The following C5orf15 variants were observed in gnomAD, a reference collection of about 807,000 sequenced individuals.
The protein encoded by C5orf15 is keratinocyte-associated transmembrane protein 2.
C5orf15 carries 10 observed loss-of-function variants against 17.8 expected under a neutral mutation model. That is an observed-to-expected ratio of 0.56 (90% confidence interval 0.35 to 0.95). The LOEUF (loss-of-function observed/expected upper bound fraction) is 0.95. C5orf15 is among the 40% of genes least tolerant of loss of function. The pLI is 0.02. For missense variants in C5orf15, 319 were observed against 331.7 expected (o/e 0.96, Z 0.30); for synonymous variants, 124 against 131.0 (o/e 0.95, Z 0.36).
chr5:133,958,576 CAAAAA>C (rs71581378), intron 2 of C5orf15, among the ~76,000 whole-genome samples: 9 of 32,000 alleles, frequency 2.8e-4, no homozygotes, highest in Non-Finnish European at 4.9e-4. Flanking sequence ...AGCTCTGTCT[CAAAAA>C]AAAAAAAAAA....
intron 1 of C5orf15, chr5:133,967,372 C>T (rs2112585): frequency 0.76 from 116,084 of 152,170 alleles, 44,568 homozygotes; most frequent in African/African-American, 0.85. Context: ...ACAGGCCCTG[C>T]TGGCAAGAAA....
At chr5:133,958,406 G>C (rs1403763031) in intron 2 of C5orf15, among the ~76,000 whole-genome samples, 1 of 151,510 alleles carries the variant, frequency 6.6e-6, no homozygotes. Context: ...GCAAAACCCC[G>C]TCTCTACTAA....
chr5:133,958,144 G>A (rs1752063071), intron 2 of C5orf15, among the ~76,000 whole-genome samples: 2 of 152,020 alleles, frequency 1.3e-5, no homozygotes, highest in African/African-American at 4.8e-5. Context: ...AATTACTTGG[G>A]AGGCTGAAGT....
In C5orf15 at chr5:133,959,437, AATC is replaced by A. The variant is rs980798551; in HGVS notation, c.666+54_666+56del. Reference sequence around the variant, plus strand: ...AAAAAAAAAAAAAAAAAGAACCATGAATCATCAAAAGCATTATGACTGAAATAA... The same window carrying A: ...AAAAAAAAAAAAAAAAAGAACCATGAATCAAAAGCATTATGACTGAAATAA... On this transcript the variant is annotated intron_variant, in intron 2 of 2. Coordinates refer to ENST00000231512, the MANE Select transcript of C5orf15 (RefSeq NM_020199.3). 1.3e-5 allele frequency: 9 copies of A among 682,204 alleles called. No individual in the cohort carries two copies. The African/African-American group carries it at 1.8e-4, about 13-fold the overall frequency. 42.3% of individuals were successfully genotyped at this position (682,204 alleles called of 1,614,324 possible). A position where few individuals can be genotyped will look rare whatever the true frequency, so the allele number is the denominator to read the frequency against.
At chr5:133,960,076 A>G in intron 1 of C5orf15, 56 bp from the exon 2 acceptor site, 1 of 1,500,370 alleles carries the variant, frequency 6.7e-7, no homozygotes, top group Non-Finnish European at 9.0e-7. Context: ...CCACCAAGCT[A>G]AAAGCATATT....
chr5:133,956,852 C>T lies in C5orf15; in HGVS notation c.*7G>A. 6.3e-7 allele frequency: 1 copy of T among 1,577,862 alleles called. No homozygotes were observed. The highest frequency in any genetic ancestry group is 2.3e-5 in the East Asian group (1 of 43,726). ...AAATTACATAAGCAAATTCAAATCA[C>T]AGTGCTTTAAAAAATATAATCATTG... On this transcript the variant is annotated 3_prime_UTR_variant, in exon 3 of 3. Transcript: ENST00000231512.
intron 1 of C5orf15, 74 bp from the exon 2 acceptor site, chr5:133,960,094 AT>A: frequency 7.7e-7 from 1 of 1,295,786 alleles, no homozygotes; most frequent in Non-Finnish European, 1.1e-6. Flanking sequence ...ATTTACCCAA[AT>A]TTTACACTAA....
chr5:133,958,469 C>G (rs1298996945), intron 2 of C5orf15, among the ~76,000 whole-genome samples: 1 of 147,810 alleles, frequency 6.8e-6, no homozygotes, highest in East Asian at 2.0e-4. Context: ...CCCAGTTACT[C>G]AAGAGGCTGA....
rs180772833 is a variant in C5orf15, at chr5:133,964,139, C to T, written c.140-4119G>A. On this transcript the variant is annotated intron_variant, in intron 1 of 2. Coordinates refer to ENST00000231512, the MANE Select transcript of C5orf15 (RefSeq NM_020199.3). The stretch of plus-strand genomic sequence containing the variant: ...GGCTGAGACAGGAGAACTGCTTGAA[C>T]CTGGGAGGCGGAGGTTGCAGTGAGC... 3.6e-3 allele frequency among the ~76,000 whole-genome samples: 542 copies of T among 152,258 alleles called. 5 individuals carry two copies. Among genetic ancestry groups the T allele is most frequent in the African/African-American group, 0.012 (518 of 41,548 alleles).
chr5:133,963,747 C>T lies in C5orf15; in HGVS notation c.140-3727G>A, dbSNP rs148726309. Among the ~76,000 whole-genome samples, 445 of 152,256 alleles carry T rather than the reference C, an allele frequency of 2.9e-3. 5 individuals carry two copies. Among genetic ancestry groups the T allele is most frequent in the African/African-American group, 8.8e-3 (364 of 41,554 alleles). ...AACTACATGATGTCCATAGAAAGCT[C>T]ATTTTATTTTTTTCTTTTTGAGACA... On this transcript the variant is annotated intron_variant, in intron 1 of 2. Transcript: ENST00000231512.
At chr5:133,964,694 C>T (rs1240130688) in intron 1 of C5orf15, among the ~76,000 whole-genome samples, 1 of 152,148 alleles carries the variant, frequency 6.6e-6, no homozygotes, top group Non-Finnish European at 1.5e-5. Flanking sequence ...TACTTAGTCT[C>T]CATCTCAATT....
chr5:133,956,753 A>C lies in C5orf15; in HGVS notation c.*106T>G. The C allele has an allele frequency of 1.3e-4, 118 of 941,730 alleles. No homozygotes were observed. The highest frequency in any genetic ancestry group is 3.6e-4 in the Middle Eastern group (1 of 2,806). 58.3% of individuals were successfully genotyped at this position (941,730 alleles called of 1,614,324 possible). On this transcript the variant is annotated 3_prime_UTR_variant, in exon 3 of 3. Transcript: ENST00000231512. The stretch of plus-strand genomic sequence containing the variant: ...TCCAAAGCACCAAGGCAAAAGAGAG[A>C]CTCACCTCTCATTTAAGTACCAATT...
chr5:133,965,688 G>A (rs1430965988), intron 1 of C5orf15, among the ~76,000 whole-genome samples: 1 of 152,246 alleles, frequency 6.6e-6, no homozygotes, highest in Non-Finnish European at 1.5e-5. Context: ...CACTTTGGGA[G>A]GCCAGGGCAA....
At chr5:133,966,225 C>A (rs1039711381) in intron 1 of C5orf15, among the ~76,000 whole-genome samples, 1 of 151,444 alleles carries the variant, frequency 6.6e-6, no homozygotes, top group Non-Finnish European at 1.5e-5. Context: ...AAACAAAAAA[C>A]AAAACTTTAT....
intron 1 of C5orf15, among the ~76,000 whole-genome samples, chr5:133,966,515 C>T (rs1467201083): frequency 2.0e-5 from 3 of 152,170 alleles, no homozygotes; most frequent in Non-Finnish European, 2.9e-5. Context: ...ATTTTTTAGA[C>T]TTGATCAAAA....
chr5:133,967,662 C>T (rs555165458), intron 1 of C5orf15, among the ~76,000 whole-genome samples: 6 of 152,136 alleles, frequency 3.9e-5, no homozygotes, highest in Non-Finnish European at 7.4e-5. Flanking sequence ...TGCATTAAAA[C>T]GAGGCAGGGT....
chr5:133,962,431 T>C (rs1387469532), intron 1 of C5orf15, among the ~76,000 whole-genome samples: 2 of 152,218 alleles, frequency 1.3e-5, no homozygotes, highest in African/African-American at 2.4e-5. Context: ...CTCCTCCTCA[T>C]TGCCCTTTTC....
In C5orf15 at chr5:133,968,361, C is replaced by A. The variant is rs1015901133; in HGVS notation, c.139+85G>T. 2.4e-5 allele frequency: 37 copies of A among 1,516,716 alleles called. No homozygotes were observed. The East Asian group carries it at 8.3e-4, about 34-fold the overall frequency. 94.0% of individuals were successfully genotyped at this position (1,516,716 alleles called of 1,614,324 possible). A position where few individuals can be genotyped will look rare whatever the true frequency, so the allele number is the denominator to read the frequency against. Reference sequence around the variant, plus strand: ...GCCGTCTGCTCCTGACACTTGGAAGCGCCCTTTCCCTGGCCCGGCCTGTCT... The same window carrying A: ...GCCGTCTGCTCCTGACACTTGGAAGAGCCCTTTCCCTGGCCCGGCCTGTCT... On this transcript the variant is annotated intron_variant, in intron 1 of 2. Coordinates refer to ENST00000231512, the MANE Select transcript of C5orf15 (RefSeq NM_020199.3).
At position 133,959,584 on chromosome 5, in the gene C5orf15, T is replaced by C. The variant is rs757110019; in HGVS notation, c.576A>G (p.Ile192Met). 11 of 1,610,752 alleles carry C rather than the reference T, an allele frequency of 6.8e-6. No homozygotes were observed. The highest frequency in any genetic ancestry group is 5.6e-5 in the South Asian group (5 of 90,090). Residue 192 changes from isoleucine to methionine, a missense_variant, in exon 2 of 3, where the codon ATA (isoleucine) becomes ATG (methionine). Physicochemically the swap from Ile to Met is conservative, Grantham distance 10 (BLOSUM62 1). Around this residue, in one of 3 missense-constraint regions of C5orf15, gnomAD observed 175 missense variants for 192.4 expected, o/e 0.91. Transcript: ENST00000231512. ...VKSFKMPSSNIEEEDSHFFFH... is the reference protein window; with the variant it reads ...VKSFKMPSSNMEEEDSHFFFH... ...AAAAGAAATGGCTGTCTTCCTCTTC[T>C]ATATTTGAGGATGGCATCTTAAAAG...
Sources: gnomAD v4.1 joint callset for allele counts (sites outside exome capture counted in the v4.1 genomes callset) on GRCh38, gnomAD v4.1.1 for gene constraint, gnomAD v4.1.1 regional missense constraint, MANE v1.5 for transcripts, NCBI Gene and HGNC (gene_info 2026-07-23, HGNC 2026-07-21) for gene names.